Variants in TBC1D22A observed in about 807,000 individuals in gnomAD.
TBC1D22A encodes putative GTPase activator.
Under a neutral mutation model 60.2 loss-of-function variants are expected in TBC1D22A, and 38 were observed. The ratio of observed to expected loss-of-function variants is 0.63; its 90% CI spans 0.49 to 0.83. TBC1D22A has a LOEUF of 0.83. TBC1D22A is among the 40% of genes least tolerant of loss of function. The pLI, the probability that TBC1D22A is intolerant of heterozygous loss-of-function variation, is 0.00. For missense variants in TBC1D22A, 628 were observed against 701.0 expected, an observed-to-expected ratio of 0.90 and a Z score of 1.18; for synonymous variants, 302 against 281.7, an observed-to-expected ratio of 1.07 and a Z score of -0.72.
At chr22:46,903,666 C>T (rs2069175307) in intron 7 of TBC1D22A, among the ~76,000 whole-genome samples, 2 of 152,194 alleles carry the variant, frequency 1.3e-5, no homozygotes, top group African/African-American at 2.4e-5. Flanking sequence ...CCCCTGCCTG[C>T]CCCAGCAGGG....
chr22:46,770,302 C>A (rs1214848160), intron 1 of TBC1D22A, among the ~76,000 whole-genome samples: 1 of 152,212 alleles, frequency 6.6e-6, no homozygotes, highest in Admixed American at 6.5e-5. Flanking sequence ...GAGCTGAATT[C>A]TGCCGCCAAC....
At chr22:46,929,250 C>T (rs2147880264) in intron 8 of TBC1D22A, among the ~76,000 whole-genome samples, 1 of 152,162 alleles carries the variant, frequency 6.6e-6, no homozygotes, top group East Asian at 1.9e-4. Context: ...TAAACAAATC[C>T]TTGATTGTGT....
chr22:47,039,916 G>A (rs534457426), intron 11 of TBC1D22A, among the ~76,000 whole-genome samples: 296 of 146,428 alleles, frequency 2.0e-3, no homozygotes, highest in African/African-American at 7.1e-3. Context: ...GGAGCAAGGC[G>A]TCGGGGAGGT....
At chr22:47,135,773 G>A (rs147629748) in intron 12 of TBC1D22A, among the ~76,000 whole-genome samples, 59 of 152,394 alleles carry the variant, frequency 3.9e-4, no homozygotes, top group African/African-American at 1.1e-3. Flanking sequence ...TAGGCAGGGC[G>A]TGTGCGGAGA....
intron 12 of TBC1D22A, among the ~76,000 whole-genome samples, chr22:47,138,263 G>T (rs1322097099): frequency 6.6e-6 from 1 of 152,210 alleles, no homozygotes; most frequent in Non-Finnish European, 1.5e-5. Context: ...TGTGCTCTGT[G>T]CCCCCAGCTA....
intron 12 of TBC1D22A, among the ~76,000 whole-genome samples, chr22:47,152,904 G>T (rs1276429478): frequency 6.6e-6 from 1 of 152,080 alleles, no homozygotes; most frequent in Non-Finnish European, 1.5e-5. Flanking sequence ...CGTTAGCTGT[G>T]GGAGAAAAGC....
chr22:47,092,257 G>T (rs1351589810), intron 11 of TBC1D22A, among the ~76,000 whole-genome samples: 1 of 152,164 alleles, frequency 6.6e-6, no homozygotes, highest in Non-Finnish European at 1.5e-5. Flanking sequence ...ACTGTGCGTG[G>T]GTGTCCTGAT....
intron 11 of TBC1D22A, among the ~76,000 whole-genome samples, chr22:47,053,125 GC>G (rs1431436024): frequency 1.3e-5 from 2 of 152,056 alleles, no homozygotes; most frequent in Non-Finnish European, 2.9e-5. Context: ...ACTGCTTCCT[GC>G]CCACCACCAG....
intron 7 of TBC1D22A, among the ~76,000 whole-genome samples, chr22:46,910,508 G>A (rs16995957): frequency 0.012 from 1,889 of 152,262 alleles, 38 homozygotes; most frequent in African/African-American, 0.043. Context: ...CTGTCGGAGC[G>A]TGTGTTCCTG....
chr22:47,060,287 G>T (rs1305537995), intron 11 of TBC1D22A, among the ~76,000 whole-genome samples: 3 of 147,698 alleles, frequency 2.0e-5, no homozygotes, highest in Non-Finnish European at 4.4e-5. Flanking sequence ...TGTTGCCCAG[G>T]CTGGAGTGCA....
At chr22:47,127,466 C>A (rs1569461975) in intron 12 of TBC1D22A, among the ~76,000 whole-genome samples, 1 of 145,920 alleles carries the variant, frequency 6.9e-6, no homozygotes, top group Non-Finnish European at 1.5e-5. Context: ...CTCAGGTGAT[C>A]CACCCACCCC....
chr22:46,774,385 C>A, intron 1 of TBC1D22A: 1 of 403,690 alleles, frequency 2.5e-6, no homozygotes, highest in Non-Finnish European at 3.4e-6. Flanking sequence ...TATCCCCAGA[C>A]TTTTTGTTCC....
intron 11 of TBC1D22A, among the ~76,000 whole-genome samples, chr22:47,043,368 A>G (rs960351816): frequency 1.3e-5 from 2 of 152,202 alleles, no homozygotes; most frequent in Non-Finnish European, 1.5e-5. Context: ...GGTCAGGGCC[A>G]GGATGCGGCT....
intron 7 of TBC1D22A, among the ~76,000 whole-genome samples, chr22:46,897,570 A>G (rs1173462756): frequency 6.6e-6 from 1 of 151,504 alleles, no homozygotes. Context: ...GTGGATTGTG[A>G]AGGCAGTAGC....
At chr22:47,144,199 G>A (rs920561281) in intron 12 of TBC1D22A, among the ~76,000 whole-genome samples, 5 of 152,188 alleles carry the variant, frequency 3.3e-5, no homozygotes, top group African/African-American at 1.2e-4. Flanking sequence ...CTGAGCCACC[G>A]TGCTCACTTC....
chr22:47,005,308 G>A (rs13054637), intron 10 of TBC1D22A, among the ~76,000 whole-genome samples: 36,537 of 148,486 alleles, frequency 0.25, 4,707 homozygotes, highest in East Asian at 0.3. Context: ...CTGTATACAG[G>A]TACCCCCTAC....
intron 11 of TBC1D22A, among the ~76,000 whole-genome samples, chr22:47,109,263 A>G (rs937531118): frequency 2.0e-5 from 3 of 152,246 alleles, no homozygotes; most frequent in Non-Finnish European, 4.4e-5. Context: ...AACCATAAGG[A>G]GAAAGACATA....
At chr22:46,878,981 T>C (rs987246661) in intron 5 of TBC1D22A, among the ~76,000 whole-genome samples, 2 of 152,218 alleles carry the variant, frequency 1.3e-5, no homozygotes, top group Non-Finnish European at 2.9e-5. Context: ...TATTAGAAAA[T>C]CTTTCTATGT....
intron 8 of TBC1D22A, among the ~76,000 whole-genome samples, chr22:46,968,965 G>A (rs750169049): frequency 2.6e-5 from 4 of 152,074 alleles, no homozygotes; most frequent in Admixed American, 6.6e-5. Context: ...CTCCATCCAC[G>A]TGGACTGGTG....
Sources: gnomAD v4.1 joint callset for allele counts (sites outside exome capture counted in the v4.1 genomes callset) on GRCh38, gnomAD v4.1.1 for gene constraint, MANE v1.5 for transcripts, NCBI Gene and HGNC (gene_info 2026-07-23, HGNC 2026-07-21) for gene names.